The following SCAP variants were observed in gnomAD, a reference collection of about 807,000 sequenced individuals.
SCAP encodes the protein sterol regulatory element-binding protein cleavage-activating protein.
Under a neutral mutation model 123.6 loss-of-function variants are expected in SCAP, and 65 were observed. That is an observed-to-expected ratio of 0.53 (90% CI 0.43 to 0.65). SCAP has a LOEUF of 0.65. Among genes scored for constraint, SCAP ranks in the 30% least tolerant of loss-of-function variants. The pLI, the probability that SCAP is intolerant of heterozygous loss-of-function variation, is 0.00. For missense variants in SCAP, 1,398 were observed against 1,712.5 expected (o/e 0.82, Z 3.24); for synonymous variants, 740 against 726.3 (o/e 1.02, Z -0.30).
At chr3:47,425,036 G>A (rs539334942) in intron 8 of SCAP, among the ~76,000 whole-genome samples, 2 of 152,212 alleles carry the variant, frequency 1.3e-5, no homozygotes, top group South Asian at 2.1e-4. Flanking sequence ...TATTTCATTA[G>A]GCATTTAAAT....
Position 47,443,077 on chromosome 3 carries a change from A to G in SCAP, c.-84T>C. On this transcript the variant is annotated 5_prime_UTR_variant, in exon 2 of 23. Coordinates refer to ENST00000265565, the MANE Select transcript of SCAP (RefSeq NM_012235.4). ...ACACTTGACAGCACTGACAAAGAAC[A>G]ACATGTGCAGGTACCTGGTAAGAAG... The G allele has an allele frequency of 6.3e-7, 1 of 1,596,230 alleles. No homozygotes were observed. Among genetic ancestry groups the G allele is most frequent in the South Asian group, 1.1e-5 (1 of 88,670 alleles).
intron 1 of SCAP, among the ~76,000 whole-genome samples, chr3:47,464,280 T>C (rs1404057002): frequency 6.6e-6 from 1 of 152,118 alleles, no homozygotes; most frequent in African/African-American, 2.4e-5. Context: ...CCTCTCAAAG[T>C]GCTGGGATTA....
rs373299249 is a variant in SCAP at position 47,435,557 on chromosome 3, G to T, written c.123-420C>A. ...CTGCCACTACATCCAGGTAATTTTT[G>T]TATTTTTAGTGGAGACGGGGTTTCA... On this transcript the variant is annotated intron_variant, in intron 2 of 22. Coordinates refer to ENST00000265565, the MANE Select transcript of SCAP (RefSeq NM_012235.4). Among the ~76,000 whole-genome samples, 9 of 148,930 alleles carry T rather than the reference G, an allele frequency of 6.0e-5. No homozygotes were observed. The East Asian group carries it at 1.4e-3, about 23-fold the overall frequency.
rs555307517 is a variant in SCAP at position 47,417,429 on chromosome 3, C to G, written c.2845G>C (p.Glu949Gln). ...GAGCCTTTCTCGGGGGAGCCACCCT[C>G]GTCCTCAGGGGCCTGGGACAGCACC... ...GPVLSQAPED[E>Q]GGSPEKGSPS... Residue 949 changes from glutamate (E) to glutamine (Q), a missense_variant, in exon 17 of 23, where the codon GAG becomes CAG. Physicochemically the swap from Glu to Gln is conservative, Grantham distance 29. Around this residue, in one of 7 missense-constraint regions of SCAP, gnomAD observed 828 missense variants for 882.5 expected, o/e 0.94. Transcript: ENST00000265565. 2 of 1,560,366 alleles carry G rather than the reference C, an allele frequency of 1.3e-6. No individual in the cohort carries two copies. Among genetic ancestry groups the G allele is most frequent in the Middle Eastern group, 3.4e-4 (2 of 5,930 alleles).
chr3:47,466,452 A>G (rs982463435), intron 1 of SCAP, among the ~76,000 whole-genome samples: 7 of 152,162 alleles, frequency 4.6e-5, no homozygotes, highest in Non-Finnish European at 7.3e-5. Flanking sequence ...TCTAACCTGA[A>G]AAAAAGAAAA....
rs1244048754 is a variant in SCAP, at chr3:47,413,879, G to A, written c.3815C>T (p.Pro1272Leu). Residue 1272 changes from proline (P) to leucine (L), a missense_variant, in exon 23 of 23, where the codon CCC becomes CTC. Coordinates refer to ENST00000265565, the MANE Select transcript of SCAP (RefSeq NM_012235.4). ...TCAGTCCAGCTTCTCCAGCACAGAG[G>A]GCACATACACCAGGCTGAGCTCACT... ...FGSELSLVYV[P>L]SVLEKLD 6.2e-7 allele frequency: 1 copy of A among 1,612,988 alleles called. No homozygotes were observed.
intron 6 of SCAP, among the ~76,000 whole-genome samples, chr3:47,426,377 C>T (rs1465455147): frequency 6.6e-6 from 1 of 152,178 alleles, no homozygotes; most frequent in Non-Finnish European, 1.5e-5. Context: ...GCTCCCCCTG[C>T]TCCTTTCTTT....
chr3:47,455,790 A>G (rs1707402753), intron 1 of SCAP, among the ~76,000 whole-genome samples: 1 of 152,170 alleles, frequency 6.6e-6, no homozygotes, highest in Non-Finnish European at 1.5e-5. Context: ...TTCTTTAACT[A>G]AACAAACTTC....
intron 9 of SCAP, 105 bp downstream of exon 9, chr3:47,423,828 G>A (rs1706012000): frequency 2.5e-6 from 2 of 811,362 alleles, no homozygotes; most frequent in East Asian, 2.6e-5. Flanking sequence ...AAGAGCAAGG[G>A]ACATTTCAAG....
In SCAP at chr3:47,421,022, C is replaced by A; in HGVS notation, c.1253G>T (p.Cys418Phe). 7 of 1,613,776 alleles carry A rather than the reference C, an allele frequency of 4.3e-6. No individual in the cohort carries two copies. The highest frequency in any genetic ancestry group is 5.9e-6 in the Non-Finnish European group (7 of 1,179,848). Residue 418 changes from cysteine to phenylalanine, a missense_variant, in exon 11 of 23, where the codon TGT becomes TTT. Cys to Phe is a radical substitution (Grantham distance 205). Around this residue, in one of 7 missense-constraint regions of SCAP, gnomAD observed 66 missense variants for 116.3 expected, o/e 0.57. Coordinates refer to ENST00000265565, the MANE Select transcript of SCAP (RefSeq NM_012235.4). ...CACCAGCCCCACGACAGCAAAGAGA[C>A]AGAACTCCTGGAATCAGAGCACATG... ...FTLVPAIQEFCLFAVVGLVSD... is the reference protein window; with the variant it reads ...FTLVPAIQEFFLFAVVGLVSD...
intron 1 of SCAP, among the ~76,000 whole-genome samples, chr3:47,448,615 C>A (rs1707142157): frequency 6.6e-6 from 1 of 151,336 alleles, no homozygotes; most frequent in Admixed American, 6.6e-5. Flanking sequence ...TATTATTCTA[C>A]CTTCATGTTC....
At chr3:47,417,914 T>TGAGAGGGGGGGTGGGCGG in intron 16 of SCAP, 88 bp from the exon 17 acceptor site, 1 of 194,384 alleles carries the variant, frequency 5.1e-6, no homozygotes, top group East Asian at 1.4e-4. Context: ...GGCGTGGGAG[T>TGAGAGGGGGGGTGGGCGG]GAGAAGGGGC....
In SCAP at chr3:47,422,720, A is replaced by T. The variant is rs568389778; in HGVS notation, c.1151-184T>A. The T allele has an allele frequency of 2.5e-5, 13 of 528,312 alleles. No individual in the cohort carries two copies. The East Asian group carries it at 3.7e-4, about 15-fold the overall frequency. 32.7% of individuals were successfully genotyped at this position (528,312 alleles called of 1,614,324 possible). A position where few individuals can be genotyped will look rare whatever the true frequency, so the allele number is the denominator to read the frequency against. On this transcript the variant is annotated intron_variant, in intron 9 of 22. Transcript: ENST00000265565. The stretch of plus-strand genomic sequence containing the variant: ...AATGCCCAGACTTTAAGGGGCCATC[A>T]CCACCACACAGCTGCTACGGGGAAC...
intron 9 of SCAP, 199 bp from the exon 10 acceptor site, chr3:47,422,735 C>T (rs1036351339): frequency 3.5e-5 from 18 of 507,346 alleles, no homozygotes; most frequent in Non-Finnish European, 5.6e-5. Flanking sequence ...CACACAGCTG[C>T]TACGGGGAAC....
At chr3:47,436,380 C>A (rs1415051058) in intron 2 of SCAP, among the ~76,000 whole-genome samples, 1 of 152,010 alleles carries the variant, frequency 6.6e-6, no homozygotes, top group Admixed American at 6.5e-5. Context: ...GCCTGTAATC[C>A]CAACACTTTG....
upstream of SCAP, chr3:47,476,067 C>T (rs1014163647): frequency 6.6e-6 from 1 of 151,826 alleles, no homozygotes; most frequent in East Asian, 1.9e-4. Context: ...TGGTGGACAC[C>T]GGAGGGAAGT....
chr3:47,470,806 G>A (rs189536477), intron 1 of SCAP, among the ~76,000 whole-genome samples: 19 of 152,226 alleles, frequency 1.2e-4, no homozygotes, highest in African/African-American at 4.6e-4. Context: ...AGGTTGCAGT[G>A]AGCCGAGATC....
chr3:47,440,641 C>A (rs959677477), intron 2 of SCAP, among the ~76,000 whole-genome samples: 6 of 152,110 alleles, frequency 3.9e-5, no homozygotes, highest in Non-Finnish European at 7.4e-5. Context: ...GAAGCCAAGG[C>A]GAGGGGATCA....
chr3:47,415,159 G>C lies in SCAP; in HGVS notation c.3078C>G (p.Asn1026Lys). 6.2e-7 allele frequency: 1 copy of C among 1,612,128 alleles called. No homozygotes were observed. The highest frequency in any genetic ancestry group is 8.5e-7 in the Non-Finnish European group (1 of 1,179,530). ...CCAAGGAGAAGAAATCAAGGGAACC[G>C]TTGAGCCGTGCAGCCACAATCCTGG... ...LDKRIVAARL[N>K]GSLDFFSLET... is the part of the protein sequence containing the mutation. Residue 1026 changes from asparagine (N) to lysine (K), a missense_variant, in exon 19 of 23, where the codon AAC becomes AAG. Transcript: ENST00000265565.
Sources: allele counts gnomAD v4.1 joint callset (sites outside exome capture counted in the v4.1 genomes callset), GRCh38; gene constraint gnomAD v4.1.1; regional missense constraint gnomAD v4.1.1; transcripts MANE v1.5; gene names NCBI Gene and HGNC (gene_info 2026-07-23, HGNC 2026-07-21).